Variants in LRRC49 observed in about 807,000 individuals in gnomAD.
The protein encoded by LRRC49 is leucine-rich repeat-containing protein 49.
A neutral mutation model predicts 83.3 loss-of-function variants in LRRC49; 50 were observed. The ratio of observed to expected loss-of-function variants is 0.60; its 90% CI spans 0.48 to 0.76. The LOEUF (loss-of-function observed/expected upper bound fraction) is 0.76, where lower values mean the gene tolerates loss of function less well. LRRC49 is among the 30% of genes least tolerant of loss of function. The probability of loss-of-function intolerance (pLI) is 0.00; values close to 1 mark genes in which losing one functional copy is unlikely to be tolerated. For synonymous variants in LRRC49, 286 were observed against 283.3 expected, an observed-to-expected ratio of 1.01 and a Z score of -0.10; for missense variants, 704 against 809.1, an observed-to-expected ratio of 0.87 and a Z score of 1.58.
In LRRC49 at chr15:70,861,818, G is replaced by A. The variant is rs538350518; in HGVS notation, c.-299+8349G>A. On this transcript the variant is annotated intron_variant, in intron 1 of 16. Transcript: ENST00000544974. ...TGTGCGCCTGTAGTCCTAGCTACTC[G>A]GGAGGCCGAGGCAGAAGAATTGCTT... Among the ~76,000 whole-genome samples, 39 of 152,078 alleles carry A rather than the reference G, an allele frequency of 2.6e-4. 1 individual carries two copies. Among genetic ancestry groups the A allele is most frequent in the Non-Finnish European group, 5.1e-4 (35 of 68,022 alleles).
At chr15:70,976,733 T>G (rs948619582) in intron 9 of LRRC49, among the ~76,000 whole-genome samples, 3 of 152,146 alleles carry the variant, frequency 2.0e-5, no homozygotes, top group Non-Finnish European at 4.4e-5. Flanking sequence ...TTTTTTGCTA[T>G]GTAAAGGATA....
intron 15 of LRRC49, chr15:71,048,832 A>G (rs1465445664): frequency 2.2e-6 from 1 of 455,864 alleles, no homozygotes; most frequent in Non-Finnish European, 4.4e-6. Flanking sequence ...TTAGAAGGCA[A>G]CGTCCTGGGT....
At position 70,993,187 on chromosome 15, in the gene LRRC49, C is replaced by T. The variant is rs139670465; in HGVS notation, c.1169+8930C>T. ...ACGTAGGAACCCTCCTAGCCATGTG[C>T]GGGATATAATCTCCTGGTGTGCCAT... On this transcript the variant is annotated intron_variant, in intron 11 of 15. Transcript: ENST00000260382. 2.0e-3 allele frequency among the ~76,000 whole-genome samples: 301 copies of T among 152,284 alleles called. 2 individuals are homozygous for T. Among genetic ancestry groups the T allele is most frequent in the African/African-American group, 6.3e-3 (263 of 41,556 alleles).
At chr15:70,897,460 C>G (rs567325448) in intron 3 of LRRC49, among the ~76,000 whole-genome samples, 88 of 152,212 alleles carry the variant, frequency 5.8e-4, no homozygotes, top group African/African-American at 2.0e-3. Flanking sequence ...TCAATGTGCT[C>G]CCTCCATAGT....
intron 2 of LRRC49, chr15:70,881,336 C>T (rs1372883157): frequency 1.3e-5 from 2 of 152,298 alleles, no homozygotes; most frequent in East Asian, 1.9e-4. Context: ...TGTTCAGGCT[C>T]ACAACTCCTA....
At chr15:70,972,118 G>C (rs936472569) in intron 9 of LRRC49, among the ~76,000 whole-genome samples, 1 of 152,104 alleles carries the variant, frequency 6.6e-6, no homozygotes, top group Non-Finnish European at 1.5e-5. Context: ...GTAGTGGCTG[G>C]TACTGTTTTT....
At chr15:70,913,504 A>G (rs897596888) in intron 6 of LRRC49, among the ~76,000 whole-genome samples, 2 of 152,146 alleles carry the variant, frequency 1.3e-5, no homozygotes, top group Non-Finnish European at 2.9e-5. Flanking sequence ...GGGGAAGAAG[A>G]ATTAAAGAGT....
intron 1 of LRRC49, 21 bp downstream of exon 1, chr15:70,892,963 T>C: frequency 1.9e-6 from 3 of 1,613,722 alleles, no homozygotes; most frequent in Non-Finnish European, 2.5e-6. Context: ...CCTTCTACTT[T>C]CTCTTTCTTC....
chr15:70,907,166 C>T (rs535304594), intron 5 of LRRC49, among the ~76,000 whole-genome samples: 31 of 152,218 alleles, frequency 2.0e-4, no homozygotes, highest in Non-Finnish European at 2.8e-4. Context: ...GGAAGTACAT[C>T]TGCTACCCTG....
chr15:70,893,476 C>T, intron 1 of LRRC49, 108 bp from the exon 2 acceptor site: 1 of 695,950 alleles, frequency 1.4e-6, no homozygotes, highest in East Asian at 2.7e-5. Flanking sequence ...AGAAATAGAG[C>T]ATTGTGTTCT....
intron 15 of LRRC49, among the ~76,000 whole-genome samples, chr15:71,038,681 C>T (rs767172861): frequency 3.3e-5 from 5 of 152,088 alleles, no homozygotes; most frequent in Admixed American, 6.6e-5. Context: ...CAACTCTAAA[C>T]GTGAAGAAAT....
chr15:71,001,859 T>C (rs371827795), intron 11 of LRRC49, among the ~76,000 whole-genome samples: 1 of 152,072 alleles, frequency 6.6e-6, no homozygotes, highest in East Asian at 1.9e-4. Context: ...GCCCGGTTAA[T>C]TTTTTGTATT....
At chr15:70,892,210 G>A (rs1174328890), upstream of LRRC49, 1 of 1,602,242 alleles carries the variant, frequency 6.2e-7, no homozygotes, top group Admixed American at 1.7e-5. Context: ...TGGGAAAGCG[G>A]AACAGCGACT....
At chr15:70,922,867 C>T (rs192048020) in intron 7 of LRRC49, among the ~76,000 whole-genome samples, 6 of 151,808 alleles carry the variant, frequency 4.0e-5, no homozygotes, top group Middle Eastern at 3.4e-3. Context: ...CTCAAAAAAA[C>T]CTGAAACATT....
At chr15:70,907,562 C>G (rs1181942087) in intron 5 of LRRC49, 1 of 159,984 alleles carries the variant, frequency 6.3e-6, no homozygotes, top group Non-Finnish European at 1.4e-5. Flanking sequence ...TTCTGATCAC[C>G]CAGGATTATA....
In LRRC49 at chr15:71,008,921, A is replaced by G. The variant is rs114251946; in HGVS notation, c.1407+305A>G. 1.8e-3 allele frequency among the ~76,000 whole-genome samples: 277 copies of G among 152,066 alleles called. 2 individuals are homozygous for G. The highest frequency in any genetic ancestry group is 6.6e-3 in the African/African-American group (273 of 41,552). On this transcript the variant is annotated intron_variant, in intron 12 of 15. Coordinates refer to ENST00000260382, the MANE Select transcript of LRRC49 (RefSeq NM_017691.5). The stretch of plus-strand genomic sequence containing the variant: ...GTGATTCACCTTACCACATAGCCTT[A>G]TGTATTCACCTATGGTACCTGGTAA...
chr15:70,908,018 T>TG (rs1173296956), intron 5 of LRRC49: 2 of 455,950 alleles, frequency 4.4e-6, no homozygotes, highest in African/African-American at 2.0e-5. Flanking sequence ...TTTCAGGTGT[T>TG]GGGGGGTGGA....
intron 5 of LRRC49, chr15:70,907,359 A>G (rs562386195): frequency 6.6e-6 from 1 of 152,354 alleles, no homozygotes; most frequent in South Asian, 2.1e-4. Context: ...TTTCTACTCT[A>G]AAGCTAAGAA....
chr15:70,983,882 C>G (rs1235189531), intron 10 of LRRC49, among the ~76,000 whole-genome samples: 1 of 150,884 alleles, frequency 6.6e-6, no homozygotes, highest in Non-Finnish European at 1.5e-5. Context: ...CATTTTTTTC[C>G]TTTAGAGTTA....
Sources: gnomAD v4.1 joint callset for allele counts (sites outside exome capture counted in the v4.1 genomes callset) on GRCh38, gnomAD v4.1.1 for gene constraint, MANE v1.5 for transcripts, NCBI Gene and HGNC (gene_info 2026-07-23, HGNC 2026-07-21) for gene names.